Variants in CCZ1 observed in about 807,000 individuals in gnomAD.
CCZ1 encodes CCZ1 vacuolar protein trafficking and biogenesis associated.
Under a neutral mutation model 57.8 loss-of-function variants are expected in CCZ1, and 19 were observed. That is an observed-to-expected ratio of 0.33 (90% confidence interval 0.23 to 0.48). The LOEUF (loss-of-function observed/expected upper bound fraction) is 0.48. Among genes scored for constraint, CCZ1 ranks in the 20% least tolerant of loss-of-function variants. The pLI is 0.99. For missense variants in CCZ1, 200 were observed against 492.0 expected, an observed-to-expected ratio of 0.41 and a Z score of 5.61; for synonymous variants, 81 against 167.0, an observed-to-expected ratio of 0.49 and a Z score of 3.97.
intron 14 of CCZ1, 184 bp from the exon 15 acceptor site, chr7:5,925,448 C>T (rs1424890568): frequency 9.1e-6 from 5 of 549,216 alleles, no homozygotes; most frequent in Admixed American, 6.9e-5. Context: ...GCCTGGGTGA[C>T]AGAGCAAGAC....
At chr7:5,916,673 G>T (rs1475611672) in intron 10 of CCZ1, among the ~76,000 whole-genome samples, 3 of 148,224 alleles carry the variant, frequency 2.0e-5, no homozygotes, top group Admixed American at 2.0e-4. Flanking sequence ...GCTCACCTGA[G>T]CCTCGAGATC....
intron 10 of CCZ1, among the ~76,000 whole-genome samples, chr7:5,913,995 A>C (rs1386724785): frequency 7.1e-6 from 1 of 140,328 alleles, no homozygotes; most frequent in Non-Finnish European, 1.6e-5. Flanking sequence ...TCCTACACTC[A>C]GAGTGAAGCC....
intron 6 of CCZ1, among the ~76,000 whole-genome samples, chr7:5,904,023 T>G (rs1781745649): frequency 7.1e-6 from 1 of 141,158 alleles, no homozygotes; most frequent in African/African-American, 2.7e-5. Context: ...GCACTCTCTG[T>G]AGTATTAATG....
In CCZ1 at chr7:5,910,456, A is replaced by G. The variant is rs922121263; in HGVS notation, c.780+340A>G. Among the ~76,000 whole-genome samples, 3 of 148,738 alleles carry G rather than the reference A, an allele frequency of 2.0e-5. 1 individual carries two copies. The highest frequency in any genetic ancestry group is 7.4e-5 in the African/African-American group (3 of 40,280). On this transcript the variant is annotated intron_variant, in intron 8 of 14. Coordinates refer to ENST00000325974, the MANE Select transcript of CCZ1 (RefSeq NM_015622.6). ...TTCTCCTTGCCTCGGCCTCCCAAGT[A>G]CCTGGGATTACAGGTGCCTGCCACC...
intron 8 of CCZ1, among the ~76,000 whole-genome samples, chr7:5,910,639 T>G (rs1781948909): frequency 1.4e-5 from 2 of 146,658 alleles, no homozygotes; most frequent in East Asian, 4.5e-4. Context: ...AAGCATGTTT[T>G]TAAGAGGAGT....
intron 11 of CCZ1, 50 bp from the exon 12 acceptor site, chr7:5,919,799 G>A (rs373055774): frequency 2.2e-4 from 360 of 1,612,416 alleles, no homozygotes; most frequent in Non-Finnish European, 2.6e-4. Context: ...GTTGTTCAGC[G>A]TCGCACAGTA....
At chr7:5,920,387 A>AGT (rs1779215240) in intron 12 of CCZ1, among the ~76,000 whole-genome samples, 1 of 117,168 alleles carries the variant, frequency 8.5e-6, no homozygotes, top group Non-Finnish European at 1.9e-5. Flanking sequence ...GGCAGCCTGA[A>AGT]GTGTCTACAC....
chr7:5,903,794 C>A (rs1449571488), intron 6 of CCZ1, among the ~76,000 whole-genome samples: 1 of 147,140 alleles, frequency 6.8e-6, no homozygotes. Flanking sequence ...GAGTTCGAGA[C>A]CAGCCTGGCC....
intron 7 of CCZ1, among the ~76,000 whole-genome samples, chr7:5,909,254 A>G (rs1009701744): frequency 6.7e-6 from 1 of 149,588 alleles, no homozygotes; most frequent in Non-Finnish European, 1.5e-5. Flanking sequence ...GCCTCTTGAT[A>G]TAATGTTAAA....
chr7:5,920,697 C>G (rs1204490300), intron 12 of CCZ1, among the ~76,000 whole-genome samples: 4 of 139,366 alleles, frequency 2.9e-5, no homozygotes, highest in Non-Finnish European at 4.8e-5. Flanking sequence ...GTCTTGAACT[C>G]CTGACCTCAA....
intron 12 of CCZ1, among the ~76,000 whole-genome samples, chr7:5,921,292 G>A (rs1312954782): frequency 9.0e-6 from 1 of 111,478 alleles, no homozygotes; most frequent in Non-Finnish European, 1.9e-5. Flanking sequence ...AGCGAGCAAA[G>A]GTGAAAGCAC....
intron 7 of CCZ1, among the ~76,000 whole-genome samples, chr7:5,905,627 C>T (rs1310879796): frequency 1.4e-5 from 2 of 143,726 alleles, no homozygotes; most frequent in Admixed American, 6.9e-5. Flanking sequence ...ACTAAAAATA[C>T]AAAAAGTAGC....
chr7:5,904,527 C>G (rs1475410091), intron 6 of CCZ1, among the ~76,000 whole-genome samples: 1 of 143,198 alleles, frequency 7.0e-6, no homozygotes, highest in African/African-American at 2.7e-5. Flanking sequence ...TCTGTCTATA[C>G]CAAAAAAAAA....
intron 1 of CCZ1, 86 bp from the exon 2 acceptor site, chr7:5,900,198 A>G: frequency 2.1e-6 from 3 of 1,405,976 alleles, no homozygotes; most frequent in Non-Finnish European, 2.8e-6. Flanking sequence ...TGTGTGACAC[A>G]AGAGGTCGAC....
At chr7:5,908,185 G>A (rs1247865132) in intron 7 of CCZ1, among the ~76,000 whole-genome samples, 2 of 143,766 alleles carry the variant, frequency 1.4e-5, no homozygotes, top group East Asian at 2.4e-4. Context: ...AGACTTTTAA[G>A]CCAGGCGTGG....
In CCZ1 at chr7:5,909,718, A is replaced by G. The variant is rs570918482; in HGVS notation, c.699-317A>G. ...GTCTCAAAAAAAAAAAGAAAAAAAA[A>G]TTTTTTTTAATAAAAAATGAGTTTT... On this transcript the variant is annotated intron_variant, in intron 7 of 14. Coordinates refer to ENST00000325974, the MANE Select transcript of CCZ1 (RefSeq NM_015622.6). Among the ~76,000 whole-genome samples, 29 of 142,792 alleles carry G rather than the reference A, an allele frequency of 2.0e-4. 1 individual carries two copies. The highest frequency in any genetic ancestry group is 1.9e-3 in the Admixed American group (27 of 14,338). 93.7% of individuals were successfully genotyped at this position (142,792 alleles called of 152,430 possible). A position where few individuals can be genotyped will look rare whatever the true frequency, so the allele number is the denominator to read the frequency against.
rs768572811 is a variant in CCZ1, at chr7:5,905,274, G to GT, written c.698+6dup. On this transcript the variant is annotated splice_donor_region_variant and intron_variant, in intron 7 of 14. Transcript: ENST00000325974. ...CTATAACGATCAGCTCATCTGGTAGGTACACCCCGAGGCATGGTATTAAAA... is the reference window on the plus strand; with the variant it reads ...CTATAACGATCAGCTCATCTGGTAGGTTACACCCCGAGGCATGGTATTAAAA... 2.1e-6 allele frequency: 3 copies of GT among 1,460,130 alleles called. No homozygotes were observed. Among genetic ancestry groups the GT allele is most frequent in the Non-Finnish European group, 2.8e-6 (3 of 1,082,496 alleles). 90.4% of individuals were successfully genotyped at this position (1,460,130 alleles called of 1,614,324 possible).
intron 7 of CCZ1, among the ~76,000 whole-genome samples, chr7:5,908,341 A>G (rs1186089369): frequency 1.6e-5 from 2 of 121,630 alleles, no homozygotes; most frequent in Non-Finnish European, 3.6e-5. Context: ...CAAGCAGAGT[A>G]TATATTACCC....
At chr7:5,902,417 T>C in intron 5 of CCZ1, 1 of 530,432 alleles carries the variant, frequency 1.9e-6, no homozygotes, top group Non-Finnish European at 2.8e-6. Context: ...TCAGGGTAAG[T>C]TGAAATTTTT....
Sources: gnomAD v4.1 joint callset for allele counts (sites outside exome capture counted in the v4.1 genomes callset) on GRCh38, gnomAD v4.1.1 for gene constraint, MANE v1.5 for transcripts, NCBI Gene and HGNC (gene_info 2026-07-23, HGNC 2026-07-21) for gene names.